GALC: variants seen among roughly 807,000 people sequenced by gnomAD.
GALC encodes the protein galactocerebrosidase.
A neutral mutation model predicts 91.8 loss-of-function variants in GALC; 77 were observed. That is an observed-to-expected ratio of 0.84 (90% CI 0.70 to 1.01). The LOEUF (loss-of-function observed/expected upper bound fraction) is 1.01, where lower values mean the gene tolerates loss of function less well. Among genes scored for constraint, GALC ranks in the 50% least tolerant of loss-of-function variants. The pLI, the probability that GALC is intolerant of heterozygous loss-of-function variation, is 0.00. For missense variants in GALC, 882 were observed against 855.9 expected (o/e 1.03, Z -0.38); for synonymous variants, 357 against 306.7 (o/e 1.16, Z -1.71).
Position 87,992,157 on chromosome 14 carries a change from C to T in GALC, c.195+813G>A, listed in dbSNP as rs1273984007. 3.6e-6 allele frequency: 3 copies of T among 825,318 alleles called. No individual in the cohort carries two copies. In the South Asian group the frequency reaches 4.8e-5, roughly 13 times the overall value. The allele number at this position is 825,318 out of a possible 1,614,324, so 51.1% of individuals were successfully genotyped here. ...CAGACCAGGTCATCCTTGCAGCAGG[C>T]ATTCAAGCTTGTTCTGAGTTGAATG... is the stretch of plus-strand genomic sequence containing the variant. On this transcript the variant is annotated intron_variant, in intron 1 of 16. Transcript: ENST00000261304.
rs1416058083 is a variant in GALC at position 87,976,373 on chromosome 14, A to T, written c.737T>A (p.Val246Glu). Residue 246 changes from valine to glutamate, a missense_variant, in exon 7 of 17, where the codon GTG becomes GAG. Physicochemically the swap from Val to Glu is moderately radical, Grantham distance 121. Coordinates refer to ENST00000261304, the MANE Select transcript of GALC (RefSeq NM_000153.4). ...CATGCCTTACCCTATAACATCAACC[A>T]CCTTGAAGAGTTCGGCATCAAGGAG... The part of the protein sequence containing the change: ...SMLLDAELFK[V>E]VDVIGAHYPG... 1.2e-6 allele frequency: 2 copies of T among 1,613,930 alleles called. No homozygotes were observed. Among genetic ancestry groups the T allele is most frequent in the Non-Finnish European group, 1.7e-6 (2 of 1,179,970 alleles).
chr14:87,969,738 C>T (rs1886205080), intron 7 of GALC, among the ~76,000 whole-genome samples: 1 of 151,966 alleles, frequency 6.6e-6, no homozygotes, highest in East Asian at 1.9e-4. Flanking sequence ...TATTTAATTC[C>T]CTTTTAGGTC....
intron 9 of GALC, among the ~76,000 whole-genome samples, chr14:87,964,714 T>C (rs1196940132): frequency 6.6e-6 from 1 of 152,156 alleles, no homozygotes; most frequent in Non-Finnish European, 1.5e-5. Context: ...AATTATGTCT[T>C]GTCTGGTAGA....
At chr14:87,961,676 G>A (rs1312331115) in intron 10 of GALC, among the ~76,000 whole-genome samples, 1 of 152,066 alleles carries the variant, frequency 6.6e-6, no homozygotes, top group African/African-American at 2.4e-5. Context: ...CACTCAACAG[G>A]TGCTCTCCCT....
Position 87,934,261 on chromosome 14 carries a change from C to T in GALC, c.*471G>A, listed in dbSNP as rs1365958985. 1.5e-6 allele frequency: 2 copies of T among 1,332,162 alleles called. No homozygotes were observed. Among genetic ancestry groups the T allele is most frequent in the African/African-American group, 1.5e-5 (1 of 67,270 alleles). The allele number at this position is 1,332,162 out of a possible 1,614,324, so 82.5% of individuals were successfully genotyped here. A position where few individuals can be genotyped will look rare whatever the true frequency, so the allele number is the denominator to read the frequency against. The stretch of plus-strand genomic sequence containing the variant: ...ACAGGTTGAAGTGGTTTTCAAAAAG[C>T]TACTTCTAGTGTTCTTCAGCTTTCT... On this transcript the variant is annotated 3_prime_UTR_variant, in exon 17 of 17. Coordinates refer to ENST00000261304, the MANE Select transcript of GALC (RefSeq NM_000153.4).
rs72692072 is a variant in GALC, at chr14:87,965,822, T to C, written c.909-193A>G. Reference sequence around the variant, plus strand: ...TTTGAAAAATCCAGTGTGGGGTACATTGTAATATTTTTAATGGTGAATCAC... The same window carrying C: ...TTTGAAAAATCCAGTGTGGGGTACACTGTAATATTTTTAATGGTGAATCAC... On this transcript the variant is annotated intron_variant, in intron 8 of 16. Coordinates refer to ENST00000261304, the MANE Select transcript of GALC (RefSeq NM_000153.4). Among the ~76,000 whole-genome samples, 5,917 of 152,272 alleles carry C rather than the reference T, an allele frequency of 0.039. 155 individuals are homozygous for C. The highest frequency in any genetic ancestry group is 0.052 in the Non-Finnish European group (3,536 of 68,010).
intron 10 of GALC, chr14:87,952,382 G>A (rs1885347651): frequency 2.9e-6 from 1 of 341,426 alleles, no homozygotes; most frequent in African/African-American, 2.1e-5. Flanking sequence ...TTGACACAGA[G>A]CATAGAGAGG....
Position 87,950,700 on chromosome 14 carries a change from C to T in GALC, c.1210G>A (p.Val404Met). 6.2e-7 allele frequency: 1 copy of T among 1,607,662 alleles called. No homozygotes were observed. The highest frequency in any genetic ancestry group is 8.5e-7 in the Non-Finnish European group (1 of 1,175,808). ...CIRPFLPYFN[V>M]SQQFATFVLK... ...ACAAAGGTGGCAAATTGTTGTGACACATTGAAATAAGGAAGAAATGGCCGT... is the reference window on the plus strand; with the variant it reads ...ACAAAGGTGGCAAATTGTTGTGACATATTGAAATAAGGAAGAAATGGCCGT... Residue 404 changes from valine (V) to methionine (M), a missense_variant, in exon 11 of 17, where the codon GTG (valine) becomes ATG (methionine). Coordinates refer to ENST00000261304, the MANE Select transcript of GALC (RefSeq NM_000153.4).
chr14:87,934,879 C>T lies in GALC; in HGVS notation c.1912-1G>A. The T allele has an allele frequency of 3.1e-6, 5 of 1,601,084 alleles. No homozygotes were observed. The highest frequency in any genetic ancestry group is 4.3e-6 in the Non-Finnish European group (5 of 1,168,612). On this transcript the variant is annotated splice_acceptor_variant, in intron 16 of 16. Transcript: ENST00000261304. LOFTEE classifies it high-confidence loss of function. ...TCAGCATGCCAGAGGTGAAATGACC[C>T]TAGAGTAGAAAGAAACACATTCCTT...
At chr14:87,968,673 T>C (rs1041762033) in intron 7 of GALC, among the ~76,000 whole-genome samples, 183 bp from the exon 8 acceptor site, 5 of 152,174 alleles carry the variant, frequency 3.3e-5, no homozygotes, top group African/African-American at 1.2e-4. Flanking sequence ...TGTCTCAGCA[T>C]GCCATTAAAA....
At chr14:87,959,041 C>G (rs1296098265) in intron 10 of GALC, among the ~76,000 whole-genome samples, 2 of 151,988 alleles carry the variant, frequency 1.3e-5, no homozygotes, top group Non-Finnish European at 2.9e-5. Context: ...CAAAGTAAAA[C>G]AGCCTACAAA....
At chr14:87,979,020 T>C (rs1886630404) in intron 6 of GALC, among the ~76,000 whole-genome samples, 1 of 152,074 alleles carries the variant, frequency 6.6e-6, no homozygotes, top group African/African-American at 2.4e-5. Context: ...TTGAACTCTT[T>C]GTGATAGGCA....
chr14:87,954,187 ACC>A (rs1885423814), intron 10 of GALC: 7 of 1,582,778 alleles, frequency 4.4e-6, no homozygotes, highest in Non-Finnish European at 5.2e-6. Flanking sequence ...AAACATTCCT[ACC>A]TCAGAGATCT....
intron 6 of GALC, among the ~76,000 whole-genome samples, chr14:87,978,985 A>G (rs528202412): frequency 1.3e-5 from 2 of 152,260 alleles, no homozygotes; most frequent in African/African-American, 4.8e-5. Context: ...AGGTTATCCA[A>G]TCTGAGCACC....
intron 1 of GALC, among the ~76,000 whole-genome samples, chr14:87,989,301 A>T (rs1161207677): frequency 6.6e-6 from 1 of 152,184 alleles, no homozygotes; most frequent in Non-Finnish European, 1.5e-5. Flanking sequence ...TGGTTGGGAC[A>T]AAATACTTTT....
rs1567019260 is a variant in GALC at position 87,992,959 on chromosome 14, T to TTGCCGCTCACCCCGCCGCC, written c.187_195+10dup. The TTGCCGCTCACCCCGCCGCC allele has an allele frequency of 2.6e-6, 4 of 1,512,726 alleles. No individual in the cohort carries two copies. The South Asian group carries it at 4.9e-5, about 19-fold the overall frequency. 93.7% of individuals were successfully genotyped at this position (1,512,726 alleles called of 1,614,324 possible). A position where few individuals can be genotyped will look rare whatever the true frequency, so the allele number is the denominator to read the frequency against. On this transcript the variant is annotated intron_variant, in intron 1 of 16. Coordinates refer to ENST00000261304, the MANE Select transcript of GALC (RefSeq NM_000153.4). ...GCCGCCCCCCGCGTATCCCCGCAGC[T>TTGCCGCTCACCCCGCCGCC]TGCCGCTCACCCCGCCGCCGCTGAC...
rs371792183 is a variant in GALC, at chr14:87,941,527, T to C, written c.1702A>G (p.Ile568Val). The change falls in exon 15 of 17, where the codon ATA (isoleucine) becomes GTA (valine). Residue 568 changes from isoleucine (I) to valine (V), a missense_variant. Ile to Val is a conservative substitution (Grantham distance 29). Coordinates refer to ENST00000261304, the MANE Select transcript of GALC (RefSeq NM_000153.4). Reference sequence around the variant, plus strand: ...ACACCTCCTGTGTCAGGGGTCTCTATGTATACATCACACTTTATAGTCAGA... The same window carrying C: ...ACACCTCCTGTGTCAGGGGTCTCTACGTATACATCACACTTTATAGTCAGA... ...TNLTIKCDVY[I>V]ETPDTGGVFI... is the part of the protein sequence containing the mutation. 13 of 1,592,928 alleles carry C rather than the reference T, an allele frequency of 8.2e-6. No homozygotes were observed. In the African/African-American group the frequency reaches 1.2e-4, roughly 15 times the overall value.
intron 6 of GALC, 128 bp from the exon 7 acceptor site, chr14:87,976,616 T>G (rs1269835885): frequency 8.6e-6 from 7 of 818,234 alleles, no homozygotes; most frequent in Non-Finnish European, 1.4e-5. Flanking sequence ...TTTGTTTGTT[T>G]GTTTGTTTGT....
At position 87,941,422 on chromosome 14, in the gene GALC, C is replaced by T. The variant is rs752664357; in HGVS notation, c.1807G>A (p.Gly603Arg). Reference sequence around the variant, plus strand: ...AAATCACCTGTAACCCTGTAAGATCCATTTGCAAAAATCCAGAAGAAAATT... The same window carrying T: ...AAATCACCTGTAACCCTGTAAGATCTATTTGCAAAAATCCAGAAGAAAATT... ...RGIFFWIFAN[G>R]SYRVTGDLAG... Residue 603 changes from glycine (G) to arginine (R), a missense_variant, in exon 15 of 17, where the codon GGA becomes AGA. Transcript: ENST00000261304. 1 of 1,608,720 alleles carries T rather than the reference C, an allele frequency of 6.2e-7. No homozygotes were observed. The highest frequency in any genetic ancestry group is 1.7e-5 in the Admixed American group (1 of 59,844).
Sources: allele counts gnomAD v4.1 joint callset (sites outside exome capture counted in the v4.1 genomes callset), GRCh38; gene constraint gnomAD v4.1.1; transcripts MANE v1.5; gene names NCBI Gene and HGNC (gene_info 2026-07-23, HGNC 2026-07-21).